NRXN3: variants seen among roughly 807,000 people sequenced by gnomAD.
The protein encoded by NRXN3 is neurexin III.
In NRXN3, 32 loss-of-function variants were observed where a neutral mutation model predicts 137.6. That is an observed-to-expected ratio of 0.23 (90% CI 0.18 to 0.31). The LOEUF (loss-of-function observed/expected upper bound fraction) is 0.31, where lower values mean the gene tolerates loss of function less well. Ranked by LOEUF, NRXN3 falls within the 10% of genes least tolerant of loss-of-function variation. The pLI is 1.00. For synonymous variants in NRXN3, 798 were observed against 784.5 expected (o/e 1.02, Z -0.29); for missense variants, 1,574 against 2,062.5 (o/e 0.76, Z 4.59).
intron 4 of NRXN3, among the ~76,000 whole-genome samples, chr14:78,341,329 T>C (rs2082126980): frequency 6.6e-6 from 1 of 152,144 alleles, no homozygotes; most frequent in African/African-American, 2.4e-5. Context: ...GCCCAAGATT[T>C]TCCCTTTCTA....
rs74649930 is a variant in NRXN3, at chr14:79,071,186, T to C, written c.3262+83045T>C. Among the ~76,000 whole-genome samples the C allele has an allele frequency of 1.2e-4, 18 of 151,266 alleles. No individual in the cohort carries two copies. In the East Asian group the frequency reaches 3.4e-3, roughly 28 times the overall value. ...TATTCAGTGATGAATAACACAGAGC[T>C]TGATTGTTCTAATTTAGCGGAAGAA... On this transcript the variant is annotated intron_variant, in intron 15 of 20. Transcript: ENST00000335750.
At chr14:78,331,715 G>C (rs934197682) in intron 4 of NRXN3, among the ~76,000 whole-genome samples, 2 of 152,220 alleles carry the variant, frequency 1.3e-5, no homozygotes, top group African/African-American at 4.8e-5. Context: ...TGACTGGTGA[G>C]TAGAAGGCAT....
At chr14:79,764,523 C>T (rs1803255438) in intron 19 of NRXN3, among the ~76,000 whole-genome samples, 1 of 152,154 alleles carries the variant, frequency 6.6e-6, no homozygotes, top group Non-Finnish European at 1.5e-5. Context: ...AGTGCTCTAG[C>T]ATGGGGGCCA....
Position 78,545,574 on chromosome 14 carries a change from G to C in NRXN3, c.758-99546G>C, listed in dbSNP as rs17107830. ...TTTCAGGTCATTGTTTTATAAAATG[G>C]GATATTATATACTTATTTTGCATCT... On this transcript the variant is annotated intron_variant, in intron 4 of 20. Coordinates refer to ENST00000335750, the MANE Select transcript of NRXN3 (RefSeq NM_001330195.2). Among the ~76,000 whole-genome samples, 1,112 of 151,922 alleles carry C rather than the reference G, an allele frequency of 7.3e-3. 50 individuals are homozygous for C. The highest frequency in any genetic ancestry group is 0.056 in the Admixed American group (861 of 15,264).
chr14:78,749,590 T>G (rs1234933340), intron 8 of NRXN3, among the ~76,000 whole-genome samples: 1 of 152,206 alleles, frequency 6.6e-6, no homozygotes, highest in African/African-American at 2.4e-5. Flanking sequence ...GCTGATGTTC[T>G]GGAAAAATTA....
intron 4 of NRXN3, among the ~76,000 whole-genome samples, chr14:78,327,133 A>G (rs1260754692): frequency 6.6e-6 from 1 of 152,320 alleles, no homozygotes; most frequent in Non-Finnish European, 1.5e-5. Flanking sequence ...GACTCAATAA[A>G]TGTTAGATAT....
At chr14:78,708,387 G>A (rs2098376933) in intron 6 of NRXN3, 1 of 152,178 alleles carries the variant, frequency 6.6e-6, no homozygotes, top group African/African-American at 2.4e-5. Context: ...TAGGGCTTCA[G>A]GGTGTCTCAT....
At chr14:78,553,325 A>C (rs1477078054) in intron 4 of NRXN3, among the ~76,000 whole-genome samples, 1 of 152,174 alleles carries the variant, frequency 6.6e-6, no homozygotes, top group Non-Finnish European at 1.5e-5. Flanking sequence ...AATGAACCCT[A>C]TGCAGTCCTG....
chr14:79,234,310 A>ATTATATAT (rs1214423708), intron 15 of NRXN3, among the ~76,000 whole-genome samples: 1 of 95,456 alleles, frequency 1.0e-5, no homozygotes, highest in African/African-American at 4.8e-5. Flanking sequence ...ATATATATAT[A>ATTATATAT]TATATATATA....
At chr14:79,327,361 G>A (rs928751230) in intron 15 of NRXN3, among the ~76,000 whole-genome samples, 1 of 152,170 alleles carries the variant, frequency 6.6e-6, no homozygotes, top group African/African-American at 2.4e-5. Flanking sequence ...AGAGATGAGA[G>A]TTCAATCTTC....
intron 6 of NRXN3, among the ~76,000 whole-genome samples, chr14:78,661,068 A>C (rs1350387234): frequency 1.3e-5 from 2 of 152,238 alleles, no homozygotes; most frequent in Non-Finnish European, 2.9e-5. Flanking sequence ...GCTAGTGAAT[A>C]AAGAAGGTTC....
chr14:78,201,940 C>T (rs998935580), intron 1 of NRXN3, among the ~76,000 whole-genome samples: 6 of 152,332 alleles, frequency 3.9e-5, no homozygotes, highest in South Asian at 4.1e-4. Context: ...TGAGCAAGGT[C>T]GCCAGGGCGG....
At chr14:79,836,122 A>G (rs1268467951) in intron 20 of NRXN3, among the ~76,000 whole-genome samples, 1 of 152,206 alleles carries the variant, frequency 6.6e-6, no homozygotes, top group Non-Finnish European at 1.5e-5. Context: ...GAAGAGCAGA[A>G]CAAATGCAGT....
At chr14:79,509,861 A>G (rs966264127) in intron 16 of NRXN3, among the ~76,000 whole-genome samples, 3 of 152,202 alleles carry the variant, frequency 2.0e-5, no homozygotes, top group Admixed American at 6.5e-5. Flanking sequence ...CTGCTACTCA[A>G]TGAACTGAAG....
chr14:79,385,062 T>C (rs2094568237), intron 15 of NRXN3, among the ~76,000 whole-genome samples: 1 of 152,090 alleles, frequency 6.6e-6, no homozygotes, highest in Non-Finnish European at 1.5e-5. Context: ...TTAGATGGTG[T>C]CTTTTTTTTT....
chr14:78,406,991 A>G (rs2092527015), intron 4 of NRXN3, among the ~76,000 whole-genome samples: 1 of 152,164 alleles, frequency 6.6e-6, no homozygotes, highest in African/African-American at 2.4e-5. Flanking sequence ...ACAGGTGCTC[A>G]GTGATAAAGC....
At chr14:78,208,587 T>C (rs1410896479) in intron 1 of NRXN3, among the ~76,000 whole-genome samples, 3 of 152,198 alleles carry the variant, frequency 2.0e-5, no homozygotes, top group African/African-American at 7.2e-5. Flanking sequence ...TCTGTGCCCA[T>C]GTGTGTTTTA....
intron 16 of NRXN3, among the ~76,000 whole-genome samples, chr14:79,632,586 T>C (rs2098365640): frequency 6.6e-6 from 1 of 152,206 alleles, no homozygotes; most frequent in African/African-American, 2.4e-5. Flanking sequence ...GTCTCACCCA[T>C]GTTCTACAAA....
chr14:79,679,822 C>T (rs2098660552), intron 17 of NRXN3, among the ~76,000 whole-genome samples: 1 of 151,976 alleles, frequency 6.6e-6, no homozygotes, highest in Non-Finnish European at 1.5e-5. Context: ...TTTTTTAAAG[C>T]CCTAATTTTA....
Sources: gnomAD v4.1 joint callset for allele counts (sites outside exome capture counted in the v4.1 genomes callset) on GRCh38, gnomAD v4.1.1 for gene constraint, MANE v1.5 for transcripts, NCBI Gene and HGNC (gene_info 2026-07-23, HGNC 2026-07-21) for gene names.